Variants in ZNF487 observed in about 807,000 individuals in gnomAD.
ZNF487 encodes KRAB domain only 1.
ZNF487 carries 4 observed loss-of-function variants against 3.0 expected under a neutral mutation model. The ratio of observed to expected loss-of-function variants is 1.35; its 90% confidence interval spans 0.66 to 3.08. The LOEUF is 3.08. Among genes scored for constraint, ZNF487 ranks in the 30% most tolerant of loss-of-function variants. ZNF487 has a pLI of 0.01. For missense variants in ZNF487, 146 were observed against 98.7 expected (o/e 1.48, Z -2.03); for synonymous variants, 55 against 34.6 (o/e 1.59, Z -2.06).
At position 43,482,806 on chromosome 10, in the gene ZNF487, G is replaced by T. The variant is rs1841414193; in HGVS notation, c.*884G>T. ...AAGTCAAAACTTAGAGAACATCAGA[G>T]AATTCACACAGGGGAGAAACCCTAT... On this transcript the variant is annotated 3_prime_UTR_variant, in exon 4 of 4. Coordinates refer to ENST00000437590, the MANE Select transcript of ZNF487 (RefSeq NM_001355444.3). 9.8e-6 allele frequency: 5 copies of T among 512,196 alleles called. No individual in the cohort carries two copies. Among genetic ancestry groups the T allele is most frequent in the Non-Finnish European group, 2.0e-5 (5 of 250,222 alleles). 31.7% of individuals were successfully genotyped at this position (512,196 alleles called of 1,614,324 possible).
chr10:43,437,980 G>A (rs553941728), intron 1 of ZNF487, among the ~76,000 whole-genome samples: 2 of 151,674 alleles, frequency 1.3e-5, no homozygotes, highest in African/African-American at 2.4e-5. Context: ...CTGAACCACC[G>A]CCTGCCACCG....
chr10:43,517,420 A>G, the ZNF487 span, among the ~76,000 whole-genome samples: 1 of 152,256 alleles, frequency 6.6e-6, no homozygotes, highest in Non-Finnish European at 1.5e-5. Flanking sequence ...AAAAGGCTTT[A>G]GAATCTGTCC....
chr10:43,473,159 G>A (rs1840967327), intron 1 of ZNF487, among the ~76,000 whole-genome samples: 1 of 149,710 alleles, frequency 6.7e-6, no homozygotes, highest in South Asian at 2.1e-4. Flanking sequence ...CCAGACTGGA[G>A]TGCAGTGGCA....
Position 43,482,496 on chromosome 10 carries a change from G to C in ZNF487, c.*574G>C. 2 of 473,934 alleles carry C rather than the reference G, an allele frequency of 4.2e-6. No individual in the cohort carries two copies. Among genetic ancestry groups the C allele is most frequent in the Non-Finnish European group, 8.6e-6 (2 of 231,722 alleles). 29.4% of individuals were successfully genotyped at this position (473,934 alleles called of 1,614,324 possible). A position where few individuals can be genotyped will look rare whatever the true frequency, so the allele number is the denominator to read the frequency against. ...AGAACACACACGGGACAAAACCTAT[G>C]AATGTAATGAATGTGGAAAAAACTT... On this transcript the variant is annotated 3_prime_UTR_variant, in exon 4 of 4. Transcript: ENST00000437590.
In ZNF487 at chr10:43,447,687, A is replaced by G. The variant is rs530196040; in HGVS notation, c.-94+10425A>G. 2.0e-5 allele frequency among the ~76,000 whole-genome samples: 3 copies of G among 152,270 alleles called. No individual in the cohort carries two copies. The South Asian group carries it at 6.2e-4, about 32-fold the overall frequency. On this transcript the variant is annotated intron_variant, in intron 1 of 3. Transcript: ENST00000437590. ...TGCCCTTATACTCATGTACTGATCA[A>G]TACACTGCTGAGCTCTCAAGTGGGA...
At chr10:43,466,446 A>G (rs1195498650) in intron 1 of ZNF487, among the ~76,000 whole-genome samples, 3 of 142,246 alleles carry the variant, frequency 2.1e-5, no homozygotes, top group African/African-American at 7.9e-5. Context: ...TTTGTCACCC[A>G]GGCTGGAGTA....
At chr10:43,461,533 C>A (rs762340051) in intron 1 of ZNF487, among the ~76,000 whole-genome samples, 6 of 151,988 alleles carry the variant, frequency 3.9e-5, no homozygotes, top group Admixed American at 6.6e-5. Context: ...GTTGCCCAGG[C>A]TGGTCTTGAA....
At chr10:43,442,268 C>CAACA (rs1294482255) in intron 1 of ZNF487, among the ~76,000 whole-genome samples, 6 of 133,672 alleles carry the variant, frequency 4.5e-5, no homozygotes, top group East Asian at 4.2e-4. Context: ...ACAACAACAA[C>CAACA]AAAAAAAAAA....
chr10:43,493,695 GAA>G, the ZNF487 span, among the ~76,000 whole-genome samples: 7 of 41,276 alleles, frequency 1.7e-4, no homozygotes, highest in South Asian at 9.5e-4. Flanking sequence ...CTCAAAAAAA[GAA>G]AAAAAAAAAA....
intron 3 of ZNF487, among the ~76,000 whole-genome samples, chr10:43,477,424 G>A (rs561681107): frequency 6.5e-4 from 98 of 151,872 alleles, no homozygotes; most frequent in Admixed American, 4.5e-3. Flanking sequence ...CAAACTCCTG[G>A]CCTCAAGTGA....
At chr10:43,467,818 G>GAAA (rs548891339) in intron 1 of ZNF487, among the ~76,000 whole-genome samples, 1 of 124,860 alleles carries the variant, frequency 8.0e-6, no homozygotes, top group Non-Finnish European at 1.7e-5. Flanking sequence ...CTCTATCTCA[G>GAAA]AAAAAAAAAA....
chr10:43,491,349 A>T, the ZNF487 span, among the ~76,000 whole-genome samples: 1 of 151,540 alleles, frequency 6.6e-6, no homozygotes, highest in South Asian at 2.1e-4. Context: ...TTTTATTCTT[A>T]TTCTTTGTGT....
Position 43,441,484 on chromosome 10 carries a change from C to T in ZNF487, c.-94+4222C>T, listed in dbSNP as rs542472333. Among the ~76,000 whole-genome samples, 143 of 152,172 alleles carry T rather than the reference C, an allele frequency of 9.4e-4. 1 individual carries two copies. The highest frequency in any genetic ancestry group is 3.4e-3 in the Middle Eastern group (1 of 294). On this transcript the variant is annotated intron_variant, in intron 1 of 3. Transcript: ENST00000437590. ...GTTTCACCTTGTTGGTCAGGTTGGT[C>T]TCGAACTCCTGACCTCAGGTGATCC...
chr10:43,507,304 C>G, the ZNF487 span, among the ~76,000 whole-genome samples: 23 of 152,250 alleles, frequency 1.5e-4, no homozygotes, highest in South Asian at 4.8e-3. Flanking sequence ...GCACCCACCC[C>G]CTGGGACAGG....
chr10:43,504,503 G>A, the ZNF487 span, among the ~76,000 whole-genome samples: 6 of 151,376 alleles, frequency 4.0e-5, no homozygotes, highest in East Asian at 2.0e-4. Context: ...CACTATGTTG[G>A]CCAAGCTGGT....
At chr10:43,488,990 G>T in the ZNF487 span, among the ~76,000 whole-genome samples, 1 of 152,012 alleles carries the variant, frequency 6.6e-6, no homozygotes, top group Non-Finnish European at 1.5e-5. Flanking sequence ...GGGTATGGTG[G>T]CCTATGCGTG....
intron 1 of ZNF487, among the ~76,000 whole-genome samples, chr10:43,441,507 TC>T (rs1451620778): frequency 6.6e-6 from 1 of 152,060 alleles, no homozygotes; most frequent in Non-Finnish European, 1.5e-5. Context: ...CCTCAGGTGA[TC>T]CACCCACCTC....
chr10:43,475,246 C>A (rs1191107184), intron 1 of ZNF487, among the ~76,000 whole-genome samples: 1 of 152,108 alleles, frequency 6.6e-6, no homozygotes, highest in Non-Finnish European at 1.5e-5. Context: ...TAGGCCGGGC[C>A]TAGTGGTTCA....
the ZNF487 span, among the ~76,000 whole-genome samples, chr10:43,495,170 A>G: frequency 2.7e-5 from 4 of 148,082 alleles, no homozygotes; most frequent in Non-Finnish European, 1.5e-5. Flanking sequence ...TTGTAGTTCT[A>G]TTAACCTGCC....
Sources: allele counts gnomAD v4.1 joint callset (sites outside exome capture counted in the v4.1 genomes callset), GRCh38; gene constraint gnomAD v4.1.1; transcripts MANE v1.5; gene names NCBI Gene and HGNC (gene_info 2026-07-23, HGNC 2026-07-21).